YJU2: variants seen among roughly 807,000 people sequenced by gnomAD.
The protein encoded by YJU2 is YJU2 splicing factor homolog, also known as splicing factor YJU2.
In YJU2, 28 loss-of-function variants were observed where a neutral mutation model predicts 39.6. That is an observed-to-expected ratio of 0.71 (90% confidence interval 0.52 to 0.97). YJU2 has a LOEUF of 0.97. Ranked by LOEUF, YJU2 falls within the 50% of genes least tolerant of loss-of-function variation. The probability of loss-of-function intolerance (pLI) is 0.00; values close to 1 mark genes in which losing one functional copy is unlikely to be tolerated. For synonymous variants in YJU2, 184 were observed against 182.4 expected, an observed-to-expected ratio of 1.01 and a Z score of -0.07; for missense variants, 328 against 430.4, an observed-to-expected ratio of 0.76 and a Z score of 2.11.
chr19:4,249,919 C>G (rs992800192), intron 2 of YJU2, among the ~76,000 whole-genome samples: 1 of 152,098 alleles, frequency 6.6e-6, no homozygotes, highest in South Asian at 2.1e-4. Flanking sequence ...GTTGGCCAAG[C>G]TGGTCTCGAA....
intron 1 of YJU2, among the ~76,000 whole-genome samples, chr19:4,247,682 T>C (rs1219943998): frequency 0.014 from 1,890 of 130,908 alleles, 301 homozygotes; most frequent in African/African-American, 0.055. Flanking sequence ...TGTGTGTGTG[T>C]GTGTGTGTGT....
At chr19:4,259,924 C>T (rs887808221) in intron 5 of YJU2, among the ~76,000 whole-genome samples, 3 of 152,108 alleles carry the variant, frequency 2.0e-5, no homozygotes, top group East Asian at 1.9e-4. Context: ...CTGCACCTTC[C>T]GGGTGCCGGG....
intron 6 of YJU2, among the ~76,000 whole-genome samples, chr19:4,266,644 C>G (rs1971117555): frequency 6.6e-6 from 1 of 152,128 alleles, no homozygotes; most frequent in African/African-American, 2.4e-5. Context: ...CCCATTGGGA[C>G]TTCCTTAACC....
chr19:4,260,636 A>G (rs1193625462), intron 5 of YJU2, among the ~76,000 whole-genome samples: 1 of 151,956 alleles, frequency 6.6e-6, no homozygotes, highest in Non-Finnish European at 1.5e-5. Flanking sequence ...AACATTTTTA[A>G]TTTTTTTAGA....
chr19:4,254,380 C>T lies in YJU2; in HGVS notation c.296C>T (p.Thr99Ile), dbSNP rs529626387. 3 of 1,613,678 alleles carry T rather than the reference C, an allele frequency of 1.9e-6. No homozygotes were observed. The Admixed American group carries it at 5.0e-5, about 27-fold the overall frequency. The part of the protein sequence containing the change: ...FKTDPENTDY[T>I]MEHGATRNFQ... Reference sequence around the variant, plus strand: ...ACAGACCCTGAAAACACAGACTACACCATGGAGCATGGAGCCACGCGGAAT... The same window carrying T: ...ACAGACCCTGAAAACACAGACTACATCATGGAGCATGGAGCCACGCGGAAT... The change falls in exon 4 of 8, where the codon ACC (threonine) becomes ATC (isoleucine). Residue 99 changes from threonine (T) to isoleucine (I), a missense_variant. Transcript: ENST00000262962.
intron 2 of YJU2, 29 bp from the exon 3 acceptor site, chr19:4,250,998 A>G: frequency 1.2e-6 from 2 of 1,610,168 alleles, no homozygotes; most frequent in Non-Finnish European, 1.7e-6. Context: ...GTCCCAAGAC[A>G]GCTCACATCC....
intron 2 of YJU2, 108 bp from the exon 3 acceptor site, chr19:4,250,919 C>T (rs551615709): frequency 4.7e-6 from 6 of 1,265,322 alleles, no homozygotes; most frequent in Non-Finnish European, 6.7e-6. Flanking sequence ...GGGAGCTCCC[C>T]GTTGCTGGAG....
chr19:4,266,228 G>A (rs1265459247), intron 6 of YJU2, among the ~76,000 whole-genome samples: 1 of 152,126 alleles, frequency 6.6e-6, no homozygotes, highest in Non-Finnish European at 1.5e-5. Context: ...GGGATTAGAA[G>A]CATGAGCCAC....
intron 1 of YJU2, 127 bp from the exon 2 acceptor site, chr19:4,249,101 T>G: frequency 1.6e-6 from 1 of 628,284 alleles, no homozygotes; most frequent in Non-Finnish European, 2.9e-6. Context: ...GAGTCCTCCC[T>G]GCCTGTCGCG....
At chr19:4,261,921 C>T in intron 5 of YJU2, 73 bp from the exon 6 acceptor site, 1 of 1,543,864 alleles carries the variant, frequency 6.5e-7, no homozygotes, top group Non-Finnish European at 8.8e-7. Context: ...GGCCCCTCGC[C>T]ACCCCAGCAG....
In YJU2 at chr19:4,258,581, AG is replaced by A. The variant is rs371949551; in HGVS notation, c.587+163del. Among the ~76,000 whole-genome samples, 670 of 152,198 alleles carry A rather than the reference AG, an allele frequency of 4.4e-3. 5 individuals are homozygous for A. The highest frequency in any genetic ancestry group is 0.015 in the African/African-American group (632 of 41,530). ...ACTTTCTCCCTTGTGGCGTCTCTCG[AG>A]GGGGTCCCAGGCCACTGCCGGGCAC... is the stretch of plus-strand genomic sequence containing the variant. On this transcript the variant is annotated intron_variant, in intron 5 of 7. Transcript: ENST00000262962.
At chr19:4,260,199 G>C (rs1417260161) in intron 5 of YJU2, among the ~76,000 whole-genome samples, 1 of 152,164 alleles carries the variant, frequency 6.6e-6, no homozygotes, top group South Asian at 2.1e-4. Flanking sequence ...TGAGGCGGGC[G>C]GATCACCTGA....
chr19:4,254,458 G>A lies in YJU2; in HGVS notation c.374G>A (p.Arg125Gln), dbSNP rs768236560. 8.7e-6 allele frequency: 14 copies of A among 1,609,536 alleles called. No individual in the cohort carries two copies. The highest frequency in any genetic ancestry group is 2.2e-5 in the East Asian group (1 of 44,834). ...GAGGAGAAGAGGGTGCAGAAGGAGC[G>A]GGAGGACGAGGAGCTGAACAACCCC... ...EEEEKRVQKE[R>Q]EDEELNNPMK... The change falls in exon 4 of 8, where the codon CGG becomes CAG. Residue 125 changes from arginine to glutamine, a missense_variant. By Grantham distance (43) the Arg-to-Gln change is conservative (BLOSUM62 1). This residue lies in a region of YJU2 where 84 missense variants were observed against 165.8 expected (regional missense o/e 0.51). Transcript: ENST00000262962.
chr19:4,264,016 A>T (rs768496158), intron 6 of YJU2, among the ~76,000 whole-genome samples: 40 of 151,750 alleles, frequency 2.6e-4, no homozygotes, highest in Non-Finnish European at 5.0e-4. Flanking sequence ...TAATCCCAGC[A>T]CTTTGGGAGG....
chr19:4,254,318 G>C, intron 3 of YJU2, 37 bp from the exon 4 acceptor site: 1 of 1,504,022 alleles, frequency 6.6e-7, no homozygotes, highest in Non-Finnish European at 9.2e-7. Flanking sequence ...TAGTGCCTGG[G>C]GATGTAGGAG....
Position 4,259,071 on chromosome 19 carries a change from C to CTTTTTTT in YJU2, c.587+671_587+677dup, listed in dbSNP as rs34728075. On this transcript the variant is annotated intron_variant, in intron 5 of 7. Transcript: ENST00000262962. ...TCAGGCCTCCTGGGTGAACACTTTT[C>CTTTTTTT]TTTTTTTTTTTTTTTTTTTTTTTTT... 4.9e-4 allele frequency among the ~76,000 whole-genome samples: 44 copies of CTTTTTTT among 90,298 alleles called. 6 individuals carry two copies. Among genetic ancestry groups the CTTTTTTT allele is most frequent in the African/African-American group, 1.2e-3 (23 of 19,402 alleles). 59.2% of individuals were successfully genotyped at this position (90,298 alleles called of 152,430 possible). A position where few individuals can be genotyped will look rare whatever the true frequency, so the allele number is the denominator to read the frequency against.
intron 4 of YJU2, among the ~76,000 whole-genome samples, chr19:4,256,198 A>G (rs1330315598): frequency 6.9e-6 from 1 of 145,394 alleles, no homozygotes; most frequent in Non-Finnish European, 1.5e-5. Flanking sequence ...ATATATATAT[A>G]TATATATATG....
At chr19:4,263,750 C>T (rs944103161) in intron 6 of YJU2, among the ~76,000 whole-genome samples, 7 of 146,396 alleles carry the variant, frequency 4.8e-5, no homozygotes, top group African/African-American at 1.8e-4. Flanking sequence ...GCAGAGGTTG[C>T]AGTGAGCTGA....
chr19:4,260,625 T>C (rs1971063426), intron 5 of YJU2, among the ~76,000 whole-genome samples: 1 of 152,116 alleles, frequency 6.6e-6, no homozygotes, highest in South Asian at 2.1e-4. Flanking sequence ...TAGTCCTAGC[T>C]AACATTTTTA....
Sources: allele counts gnomAD v4.1 joint callset (sites outside exome capture counted in the v4.1 genomes callset), GRCh38; gene constraint gnomAD v4.1.1; regional missense constraint gnomAD v4.1.1; transcripts MANE v1.5; gene names NCBI Gene and HGNC (gene_info 2026-07-23, HGNC 2026-07-21).